TMEM232: variants seen among roughly 807,000 people sequenced by gnomAD.
The protein encoded by TMEM232 is transmembrane protein 232.
Under a neutral mutation model 78.8 loss-of-function variants are expected in TMEM232, and 80 were observed. The observed-to-expected ratio is 1.01, with a 90% CI of 0.85 to 1.22. The LOEUF is 1.22. Ranked by LOEUF, TMEM232 falls within the 50% of genes most tolerant of loss-of-function variation. The probability of loss-of-function intolerance (pLI) is 0.00; values close to 1 mark genes in which losing one functional copy is unlikely to be tolerated. For missense variants in TMEM232, 881 were observed against 742.2 expected, an observed-to-expected ratio of 1.19 and a Z score of -2.17; for synonymous variants, 297 against 254.3, an observed-to-expected ratio of 1.17 and a Z score of -1.60.
intron 4 of TMEM232, among the ~76,000 whole-genome samples, chr5:110,390,145 T>C (rs1052903687): frequency 6.6e-6 from 1 of 152,174 alleles, no homozygotes; most frequent in Non-Finnish European, 1.5e-5. Flanking sequence ...CCACCCTCTT[T>C]CCCTCACTTT....
intron 13 of TMEM232, among the ~76,000 whole-genome samples, chr5:110,423,104 A>G (rs375765393): frequency 5.9e-5 from 9 of 152,160 alleles, no homozygotes; most frequent in East Asian, 3.9e-4. Flanking sequence ...AAGGAGAATT[A>G]TATCTGTAGC....
intron 12 of TMEM232, among the ~76,000 whole-genome samples, chr5:110,516,526 G>A (rs1205210174): frequency 1.3e-5 from 2 of 152,062 alleles, no homozygotes; most frequent in Non-Finnish European, 2.9e-5. Flanking sequence ...ACTATGCTTT[G>A]AAGTAGAACT....
chr5:110,611,437 G>C (rs577307384), intron 8 of TMEM232, among the ~76,000 whole-genome samples: 3 of 152,074 alleles, frequency 2.0e-5, no homozygotes, highest in Non-Finnish European at 2.9e-5. Context: ...GCTGGTGTGG[G>C]AGAGTGAAGG....
chr5:110,515,139 T>G (rs1768415545), intron 12 of TMEM232, among the ~76,000 whole-genome samples: 1 of 152,190 alleles, frequency 6.6e-6, no homozygotes, highest in African/African-American at 2.4e-5. Context: ...TCAATATCCA[T>G]GTCTATAAAT....
chr5:110,609,187 C>A (rs907997426), intron 8 of TMEM232, among the ~76,000 whole-genome samples: 2 of 151,790 alleles, frequency 1.3e-5, no homozygotes, highest in East Asian at 1.9e-4. Flanking sequence ...TTCAACATTG[C>A]GACAAATATT....
At chr5:110,505,818 G>A (rs1766820102) in intron 12 of TMEM232, among the ~76,000 whole-genome samples, 1 of 151,950 alleles carries the variant, frequency 6.6e-6, no homozygotes. Flanking sequence ...TCCTAAATAG[G>A]CATTCCTATA....
intron 10 of TMEM232, 83 bp downstream of exon 10, chr5:110,605,026 A>G (rs1042590643): frequency 1.5e-6 from 2 of 1,349,584 alleles, no homozygotes; most frequent in African/African-American, 3.0e-5. Context: ...CTAAATATTA[A>G]CTTTGAGTAG....
chr5:110,571,861 A>C (rs1776980600), intron 10 of TMEM232, among the ~76,000 whole-genome samples: 1 of 151,964 alleles, frequency 6.6e-6, no homozygotes, highest in African/African-American at 2.4e-5. Context: ...AAAGGGGATC[A>C]GATTAAATCG....
chr5:110,689,028 T>C (rs939788948), intron 1 of TMEM232, among the ~76,000 whole-genome samples: 2 of 152,196 alleles, frequency 1.3e-5, no homozygotes, highest in African/African-American at 4.8e-5. Context: ...CTTTTGTTTT[T>C]GTGAAAACTG....
At chr5:110,528,324 CTGTTT>C (rs1425345085) in intron 12 of TMEM232, among the ~76,000 whole-genome samples, 6 of 151,588 alleles carry the variant, frequency 4.0e-5, no homozygotes, top group Non-Finnish European at 7.4e-5. Context: ...GATTTGGTTT[CTGTTT>C]TAAGTTAGTA....
intron 12 of TMEM232, among the ~76,000 whole-genome samples, chr5:110,488,314 G>A (rs1024520765): frequency 5.9e-5 from 9 of 151,640 alleles, no homozygotes; most frequent in African/African-American, 2.2e-4. Flanking sequence ...GCATTCTCCA[G>A]GATAAACCAT....
chr5:110,635,760 A>G (rs1440836931), intron 5 of TMEM232, among the ~76,000 whole-genome samples: 1 of 151,944 alleles, frequency 6.6e-6, no homozygotes, highest in African/African-American at 2.4e-5. Context: ...AAAAAAAAAT[A>G]CACATGATGG....
At chr5:110,664,893 C>G (rs917112998) in intron 2 of TMEM232, among the ~76,000 whole-genome samples, 2 of 152,214 alleles carry the variant, frequency 1.3e-5, no homozygotes, top group African/African-American at 4.8e-5. Flanking sequence ...TACAATTTCA[C>G]TTTGTTAACT....
chr5:110,623,884 A>G (rs1375130456), intron 7 of TMEM232, among the ~76,000 whole-genome samples: 2 of 152,186 alleles, frequency 1.3e-5, no homozygotes, highest in East Asian at 3.8e-4. Context: ...TACAAAGTGG[A>G]AAAAGGCACA....
At chr5:110,491,856 C>A (rs1031160020) in intron 12 of TMEM232, among the ~76,000 whole-genome samples, 1 of 151,158 alleles carries the variant, frequency 6.6e-6, no homozygotes, top group Non-Finnish European at 1.5e-5. Flanking sequence ...GTAAGTAATA[C>A]TATGAAGGAA....
chr5:110,462,970 G>A (rs1320115653), intron 12 of TMEM232, among the ~76,000 whole-genome samples: 1 of 152,152 alleles, frequency 6.6e-6, no homozygotes, highest in African/African-American at 2.4e-5. Flanking sequence ...TGGTAAAGAT[G>A]CTGTGAACAT....
chr5:110,515,505 T>C (rs1001618148), intron 12 of TMEM232, among the ~76,000 whole-genome samples: 2 of 152,180 alleles, frequency 1.3e-5, no homozygotes, highest in East Asian at 1.9e-4. Context: ...TACACTCTTA[T>C]AAGAAGGTAG....
chr5:110,513,646 C>T (rs1768136278), intron 12 of TMEM232, among the ~76,000 whole-genome samples: 1 of 151,962 alleles, frequency 6.6e-6, no homozygotes, highest in Non-Finnish European at 1.5e-5. Context: ...GGTATTAACT[C>T]ATACTTGTCA....
intron 12 of TMEM232, among the ~76,000 whole-genome samples, chr5:110,527,629 C>T (rs1770784809): frequency 6.6e-6 from 1 of 151,672 alleles, no homozygotes; most frequent in Admixed American, 6.6e-5. Flanking sequence ...ATGTATAAAA[C>T]AATATATAGC....
Sources: allele counts gnomAD v4.1 joint callset (sites outside exome capture counted in the v4.1 genomes callset), GRCh38; gene constraint gnomAD v4.1.1; transcripts MANE v1.5; gene names NCBI Gene and HGNC (gene_info 2026-07-23, HGNC 2026-07-21).